Variants in OLAH observed in about 807,000 individuals in gnomAD.
OLAH encodes the protein S-acyl fatty acid synthase thioesterase, medium chain.
OLAH carries 33 observed loss-of-function variants against 27.8 expected under a neutral mutation model. That is an observed-to-expected ratio of 1.19 (90% confidence interval 0.90 to 1.59). The LOEUF is 1.59. OLAH is among the 40% of genes most tolerant of loss of function. The pLI, the probability that OLAH is intolerant of heterozygous loss-of-function variation, is 0.00. For missense variants in OLAH, 359 were observed against 310.8 expected (o/e 1.16, Z -1.17); for synonymous variants, 120 against 102.9 (o/e 1.17, Z -1.01).
intron 1 of OLAH, among the ~76,000 whole-genome samples, chr10:15,045,273 A>G (rs1272982146): frequency 2.0e-5 from 3 of 152,218 alleles, no homozygotes; most frequent in African/African-American, 7.2e-5. Context: ...CAAGGTTTTT[A>G]TGTACTTCAA....
At chr10:15,070,294 G>A (rs748831903) in intron 6 of OLAH, among the ~76,000 whole-genome samples, 10 of 151,926 alleles carry the variant, frequency 6.6e-5, no homozygotes, top group Admixed American at 2.0e-4. Context: ...CCTCCGATCC[G>A]TTATCCACAC....
At chr10:15,051,001 A>T (rs562484366) in intron 3 of OLAH, among the ~76,000 whole-genome samples, 3 of 151,402 alleles carry the variant, frequency 2.0e-5, no homozygotes, top group Admixed American at 6.6e-5. Flanking sequence ...CAGATTTACA[A>T]TATGCACTTT....
At chr10:15,070,082 T>C (rs796349077) in intron 6 of OLAH, among the ~76,000 whole-genome samples, 4 of 152,090 alleles carry the variant, frequency 2.6e-5, no homozygotes, top group African/African-American at 9.6e-5. Context: ...ATTTGATTTC[T>C]AACTTGCCTT....
intron 2 of OLAH, 134 bp downstream of exon 2, chr10:15,047,454 G>A (rs1844042549): frequency 2.3e-6 from 2 of 866,628 alleles, no homozygotes; most frequent in Non-Finnish European, 3.8e-6. Context: ...CAGCACTTTG[G>A]GAGCCTGAGG....
chr10:15,071,733 CAGGAAA>C (rs1374659785), intron 6 of OLAH, 56 bp from the exon 7 acceptor site: 6 of 1,500,280 alleles, frequency 4.0e-6, no homozygotes, highest in African/African-American at 1.4e-5. Flanking sequence ...ACATTAGGAA[CAGGAAA>C]AGATTCTGGG....
chr10:15,033,423 G>A (rs1843789782), intron 1 of OLAH, among the ~76,000 whole-genome samples: 1 of 151,910 alleles, frequency 6.6e-6, no homozygotes, highest in Non-Finnish European at 1.5e-5. Flanking sequence ...AGAGTGCAAG[G>A]GAGGGATTGG....
chr10:15,049,731 C>T lies in OLAH; in HGVS notation c.129C>T (p.Ala43=). The T allele has an allele frequency of 1.2e-6, 2 of 1,608,150 alleles. No individual in the cohort carries two copies. The highest frequency in any genetic ancestry group is 2.2e-5 in the East Asian group (1 of 44,700). ...TGGGAGGTGGCTCCACTCATTTTGC[C>T]AAATGGGGCCAAGATACTCATGATT... ...PWMGGGSTHF[A]KWGQDTHDLL... Residue 43 remains alanine (A), a synonymous_variant, in exon 3 of 8, where the codon GCC becomes GCT. Coordinates refer to ENST00000378228, the MANE Select transcript of OLAH (RefSeq NM_001039702.3).
In OLAH at chr10:15,033,688, T is replaced by C. The variant is rs145744787; in HGVS notation, c.-164+1338T>C. Among the ~76,000 whole-genome samples the C allele has an allele frequency of 2.2e-3, 332 of 152,210 alleles. 1 individual carries two copies. Among genetic ancestry groups the C allele is most frequent in the African/African-American group, 7.4e-3 (306 of 41,536 alleles). On this transcript the variant is annotated intron_variant, in intron 1 of 3. Coordinates refer to the OLAH transcript ENST00000413672. The stretch of plus-strand genomic sequence containing the variant: ...CAGTTTGGGCATTCTCATTGCAAGA[T>C]GGTACTTTGAACGTGCGTCCTCCAG...
chr10:15,035,220 A>AGAAAGCCCGGTATAGTCGGAGTGT (rs1358954885), intron 1 of OLAH, among the ~76,000 whole-genome samples: 1 of 152,214 alleles, frequency 6.6e-6, no homozygotes, highest in African/African-American at 2.4e-5. Flanking sequence ...CACGGACCAG[A>AGAAAGCCCGGTATAGTCGGAGTGT]GAAAGCCCGG....
chr10:15,033,704 C>A (rs183496383), intron 1 of OLAH, among the ~76,000 whole-genome samples: 11 of 152,186 alleles, frequency 7.2e-5, no homozygotes, highest in African/African-American at 2.6e-4. Context: ...TTTGAACGTG[C>A]GTCCTCCAGA....
intron 3 of OLAH, among the ~76,000 whole-genome samples, chr10:15,054,729 C>T (rs567965480): frequency 6.6e-6 from 1 of 152,160 alleles, no homozygotes; most frequent in African/African-American, 2.4e-5. Flanking sequence ...CAATACAGCA[C>T]TTTGCATCCA....
At chr10:15,038,377 A>T (rs984060995) in intron 1 of OLAH, among the ~76,000 whole-genome samples, 3 of 152,188 alleles carry the variant, frequency 2.0e-5, no homozygotes, top group African/African-American at 7.2e-5. Flanking sequence ...ATGTGAGGAC[A>T]TAAGATTTGG....
Position 15,073,166 on chromosome 10 carries a change from C to A in OLAH, c.735C>A (p.Asn245Lys), listed in dbSNP as rs35727074. ...ACTTTTATCTTCTGGATCCTGCGAA[C>A]GAGAAATTAATCAAGAACTACATAA... Reference protein sequence around the residue: ...GGHFYLLDPANEKLIKNYIIK... With the variant: ...GGHFYLLDPAKEKLIKNYIIK... The change falls in exon 8 of 8, where the codon AAC (asparagine) becomes AAA (lysine). Residue 245 changes from asparagine to lysine, a missense_variant. By Grantham distance (94) the Asn-to-Lys change is moderately conservative. Coordinates refer to ENST00000378228, the MANE Select transcript of OLAH (RefSeq NM_001039702.3). 9 of 1,610,916 alleles carry A rather than the reference C, an allele frequency of 5.6e-6. No individual in the cohort carries two copies. The Admixed American group carries it at 1.3e-4, about 24-fold the overall frequency.
At chr10:15,064,773 T>C (rs920862980) in intron 5 of OLAH, among the ~76,000 whole-genome samples, 2 of 152,194 alleles carry the variant, frequency 1.3e-5, no homozygotes, top group African/African-American at 4.8e-5. Flanking sequence ...TTCTCCTGTC[T>C]CAGCCTCCTG....
At chr10:15,033,450 AAAG>A (rs946060259) in intron 1 of OLAH, among the ~76,000 whole-genome samples, 117 of 152,258 alleles carry the variant, frequency 7.7e-4, no homozygotes, top group African/African-American at 2.4e-3. Flanking sequence ...AGAGAAACAG[AAAG>A]AAGAAGAGAA....
upstream of OLAH, among the ~76,000 whole-genome samples, chr10:15,043,474 C>T (rs985853464): frequency 8.6e-5 from 12 of 139,334 alleles, no homozygotes; most frequent in African/African-American, 3.2e-4. Context: ...GGATTCTCTT[C>T]TTCTTTTTTT....
intron 1 of OLAH, among the ~76,000 whole-genome samples, chr10:15,034,895 G>A (rs1173466791): frequency 1.3e-5 from 2 of 148,670 alleles, no homozygotes; most frequent in East Asian, 2.0e-4. Context: ...TTCACCTCCC[G>A]GGTTCAAGCG....
At chr10:15,033,770 A>C (rs529090814) in intron 1 of OLAH, among the ~76,000 whole-genome samples, 4 of 152,212 alleles carry the variant, frequency 2.6e-5, no homozygotes, top group African/African-American at 9.6e-5. Flanking sequence ...GGGCAAAAAG[A>C]GAGAGGGCAG....
chr10:15,054,656 T>C (rs1207995909), intron 3 of OLAH, among the ~76,000 whole-genome samples: 1 of 152,218 alleles, frequency 6.6e-6, no homozygotes, highest in East Asian at 1.9e-4. Context: ...TACTTTGTTT[T>C]GTAATGTTTT....
Sources: allele counts gnomAD v4.1 joint callset (sites outside exome capture counted in the v4.1 genomes callset), GRCh38; gene constraint gnomAD v4.1.1; transcripts MANE v1.5; gene names NCBI Gene and HGNC (gene_info 2026-07-23, HGNC 2026-07-21).